CD1B: variants seen among roughly 807,000 people sequenced by gnomAD.
CD1B encodes the protein CD1b molecule, also known as T-cell surface glycoprotein CD1b.
In CD1B, 43 loss-of-function variants were observed where a neutral mutation model predicts 39.8. The observed-to-expected ratio is 1.08, with a 90% confidence interval of 0.85 to 1.39. The LOEUF (loss-of-function observed/expected upper bound fraction) is 1.39. CD1B is among the 40% of genes most tolerant of loss of function. The pLI is 0.00. For synonymous variants in CD1B, 192 were observed against 152.5 expected, an observed-to-expected ratio of 1.26 and a Z score of -1.91; for missense variants, 495 against 403.8, an observed-to-expected ratio of 1.23 and a Z score of -1.94.
chr1:158,298,511 T>C, the CD1B span, among the ~76,000 whole-genome samples: 1 of 152,220 alleles, frequency 6.6e-6, no homozygotes, highest in Non-Finnish European at 1.5e-5. Flanking sequence ...CTCTTTTTGA[T>C]TTCATATGAA....
At chr1:158,297,958 A>AT in the CD1B span, among the ~76,000 whole-genome samples, 2 of 151,584 alleles carry the variant, frequency 1.3e-5, no homozygotes, top group East Asian at 2.0e-4. Flanking sequence ...ACAAAAAAAA[A>AT]AAAAATAAAC....
chr1:158,291,010 G>A, the CD1B span: 2 of 1,008,492 alleles, frequency 2.0e-6, no homozygotes, highest in Admixed American at 2.8e-5. Flanking sequence ...AAGGAAAATG[G>A]TATAGCTAAA....
the CD1B span, among the ~76,000 whole-genome samples, chr1:158,289,110 A>C: frequency 6.6e-6 from 1 of 152,254 alleles, no homozygotes; most frequent in African/African-American, 2.4e-5. Flanking sequence ...GGGGTTAGTC[A>C]GTCAAAATGC....
chr1:158,311,715 G>A, the CD1B span, among the ~76,000 whole-genome samples: 346 of 152,178 alleles, frequency 2.3e-3, 2 homozygotes, highest in African/African-American at 7.9e-3. Context: ...TTCTGCATAT[G>A]GATATTCAGT....
chr1:158,298,403 A>C, the CD1B span, among the ~76,000 whole-genome samples: 8 of 152,310 alleles, frequency 5.3e-5, 1 homozygote, highest in Admixed American at 2.0e-4. Flanking sequence ...GACCTAATAA[A>C]CATTGACAGA....
intron 2 of CD1B, chr1:158,330,533 G>C: frequency 1.5e-6 from 1 of 652,540 alleles, no homozygotes; most frequent in South Asian, 1.6e-5. Context: ...CCCTTGAGGA[G>C]AAGTTTCACA....
the CD1B span, among the ~76,000 whole-genome samples, chr1:158,295,091 G>A: frequency 2.6e-5 from 4 of 151,998 alleles, no homozygotes; most frequent in African/African-American, 4.8e-5. Context: ...CAGGAAACTG[G>A]GAAATAAAGC....
the CD1B span, among the ~76,000 whole-genome samples, chr1:158,316,812 A>C: frequency 6.6e-6 from 1 of 151,962 alleles, no homozygotes; most frequent in Admixed American, 6.6e-5. Flanking sequence ...GATAGCTCTT[A>C]TTATTTTGAA....
rs1652535474 is a variant in CD1B, at chr1:158,330,106, G to A, written c.353C>T (p.Ala118Val). The A allele has an allele frequency of 3.7e-6, 6 of 1,613,596 alleles. No individual in the cohort carries two copies. Among genetic ancestry groups the A allele is most frequent in the Non-Finnish European group, 5.1e-6 (6 of 1,179,712 alleles). The change falls in exon 3 of 6, where the codon GCA becomes GTA. Residue 118 changes from alanine to valine, a missense_variant. By Grantham distance (64) the Ala-to-Val change is moderately conservative (BLOSUM62 0). Transcript: ENST00000368168. ...MKYPFEIQGI[A>V]GCELHSGGAI... is the part of the protein sequence containing the mutation. ...ACCTCCAGAATGTAGCTCACAGCCT[G>A]CTATGCCCTGGATCTCAAAGGGGTC...
chr1:158,322,864 G>A, the CD1B span, among the ~76,000 whole-genome samples: 3 of 152,118 alleles, frequency 2.0e-5, no homozygotes, highest in Non-Finnish European at 4.4e-5. Context: ...AAAGTCTGCT[G>A]CCAGGCATAT....
At chr1:158,320,321 G>A in the CD1B span, among the ~76,000 whole-genome samples, 16 of 152,320 alleles carry the variant, frequency 1.1e-4, no homozygotes, top group South Asian at 2.1e-4. Flanking sequence ...CTCTGTGGGC[G>A]TAGGACCCTC....
chr1:158,304,721 G>C, the CD1B span, among the ~76,000 whole-genome samples: 1 of 152,290 alleles, frequency 6.6e-6, no homozygotes, highest in East Asian at 1.9e-4. Context: ...ACACGGCAGG[G>C]TACTCCTCTG....
chr1:158,331,165 C>T (rs1652587810), intron 1 of CD1B, 103 bp from the exon 2 acceptor site: 2 of 1,271,756 alleles, frequency 1.6e-6, no homozygotes, highest in Non-Finnish European at 2.2e-6. Flanking sequence ...AACCTAGAGT[C>T]TAAAGAACAC....
At chr1:158,291,956 T>C in the CD1B span, 1 of 870,028 alleles carries the variant, frequency 1.1e-6, no homozygotes, top group Non-Finnish European at 1.8e-6. Context: ...TGATCAAATA[T>C]GTCTTTGGCT....
the CD1B span, chr1:158,293,608 A>G: frequency 6.2e-7 from 1 of 1,603,712 alleles, no homozygotes; most frequent in Non-Finnish European, 8.5e-7. Context: ...ATTTGTTAAT[A>G]AAAACCAAAT....
the CD1B span, among the ~76,000 whole-genome samples, chr1:158,306,083 A>G: frequency 3.4e-5 from 5 of 147,890 alleles, no homozygotes; most frequent in Admixed American, 2.6e-4. Flanking sequence ...ACATAACAAT[A>G]TTAACTTTAA....
At chr1:158,293,387 AC>A in the CD1B span, 2 of 1,592,200 alleles carry the variant, frequency 1.3e-6, no homozygotes, top group Non-Finnish European at 1.7e-6. Flanking sequence ...TCTATTGACT[AC>A]TCCACCTTAT....
chr1:158,301,471 A>G, the CD1B span, among the ~76,000 whole-genome samples: 1 of 152,080 alleles, frequency 6.6e-6, no homozygotes, highest in Non-Finnish European at 1.5e-5. Flanking sequence ...GAGCTCTTGT[A>G]AGGCAGGTCT....
At chr1:158,303,918 C>A in the CD1B span, among the ~76,000 whole-genome samples, 58 of 152,100 alleles carry the variant, frequency 3.8e-4, no homozygotes, top group Non-Finnish European at 6.5e-4. Context: ...TTTGAAAAAA[C>A]TATTCTAAAA....
Sources: gnomAD v4.1 joint callset for allele counts (sites outside exome capture counted in the v4.1 genomes callset) on GRCh38, gnomAD v4.1.1 for gene constraint, MANE v1.5 for transcripts, NCBI Gene and HGNC (gene_info 2026-07-23, HGNC 2026-07-21) for gene names.